The following ENOX1 variants were observed in gnomAD, a reference collection of about 807,000 sequenced individuals.
The protein encoded by ENOX1 is ecto-NOX disulfide-thiol exchanger 1, also known as candidate growth-related and time keeping constitutive hydroquinone (NADH) oxidase.
A neutral mutation model predicts 82.5 loss-of-function variants in ENOX1; 42 were observed. The ratio of observed to expected loss-of-function variants is 0.51; its 90% CI spans 0.40 to 0.66. The LOEUF (loss-of-function observed/expected upper bound fraction) is 0.66, where lower values mean the gene tolerates loss of function less well. Among genes scored for constraint, ENOX1 ranks in the 30% least tolerant of loss-of-function variants. The pLI, the probability that ENOX1 is intolerant of heterozygous loss-of-function variation, is 0.00. For missense variants in ENOX1, 608 were observed against 811.6 expected (o/e 0.75, Z 3.05); for synonymous variants, 271 against 282.2 (o/e 0.96, Z 0.40).
intron 11 of ENOX1, among the ~76,000 whole-genome samples, chr13:43,312,770 T>C (rs972140211): frequency 1.3e-5 from 2 of 152,068 alleles, no homozygotes; most frequent in African/African-American, 2.4e-5. Context: ...TTTTTAAGGG[T>C]GGCATTTCTG....
intron 8 of ENOX1, among the ~76,000 whole-genome samples, chr13:43,355,426 G>A (rs978584475): frequency 2.0e-5 from 3 of 152,198 alleles, no homozygotes; most frequent in South Asian, 4.2e-4. Context: ...TTCTATCCTC[G>A]ATGGACCCTA....
At chr13:43,595,124 GA>G (rs2081405656) in intron 2 of ENOX1, among the ~76,000 whole-genome samples, 1 of 149,294 alleles carries the variant, frequency 6.7e-6, no homozygotes, top group Non-Finnish European at 1.5e-5. Flanking sequence ...GTGCCTTAGG[GA>G]GGGAAAGCGG....
At chr13:43,696,926 G>T (rs1241123815) in intron 1 of ENOX1, among the ~76,000 whole-genome samples, 1 of 151,772 alleles carries the variant, frequency 6.6e-6, no homozygotes, top group Non-Finnish European at 1.5e-5. Context: ...GAAATGAGGA[G>T]TTGCATCTCA....
chr13:43,763,523 T>C (rs1371668874), intron 1 of ENOX1, among the ~76,000 whole-genome samples: 1 of 152,176 alleles, frequency 6.6e-6, no homozygotes, highest in Non-Finnish European at 1.5e-5. Context: ...AATGACATCA[T>C]GAAGTGGAGC....
chr13:43,253,159 C>T (rs779081124), intron 14 of ENOX1, among the ~76,000 whole-genome samples: 13 of 152,160 alleles, frequency 8.5e-5, no homozygotes, highest in South Asian at 6.2e-4. Context: ...CTAGAGTTGG[C>T]AGGAGAGCTG....
chr13:43,455,793 C>T (rs559716750), intron 3 of ENOX1, among the ~76,000 whole-genome samples: 6 of 151,988 alleles, frequency 3.9e-5, no homozygotes, highest in Admixed American at 6.6e-5. Context: ...TGAGATCTGA[C>T]GGTTTTATAA....
intron 16 of ENOX1, among the ~76,000 whole-genome samples, chr13:43,222,477 G>C (rs2041843176): frequency 1.3e-5 from 2 of 152,106 alleles, no homozygotes; most frequent in African/African-American, 4.8e-5. Context: ...GAAACAAAGT[G>C]TCCTGAAATT....
At chr13:43,247,521 G>A (rs1396807720) in intron 14 of ENOX1, among the ~76,000 whole-genome samples, 1 of 151,910 alleles carries the variant, frequency 6.6e-6, no homozygotes, top group Non-Finnish European at 1.5e-5. Flanking sequence ...AGGCTGTGAA[G>A]GGCGTGGACT....
intron 15 of ENOX1, among the ~76,000 whole-genome samples, chr13:43,235,902 T>C (rs1479012944): frequency 6.6e-6 from 1 of 152,172 alleles, no homozygotes; most frequent in Non-Finnish European, 1.5e-5. Flanking sequence ...AAGGTGCAGC[T>C]TGAATCAGTT....
intron 2 of ENOX1, among the ~76,000 whole-genome samples, chr13:43,594,707 T>C (rs1345591748): frequency 6.6e-6 from 1 of 152,206 alleles, no homozygotes; most frequent in African/African-American, 2.4e-5. Flanking sequence ...TAATGTCTCA[T>C]GGGCTCATAG....
At chr13:43,421,391 T>C (rs761215558) in intron 3 of ENOX1, among the ~76,000 whole-genome samples, 2 of 152,246 alleles carry the variant, frequency 1.3e-5, no homozygotes, top group African/African-American at 2.4e-5. Flanking sequence ...GAGAAAGCAC[T>C]GTGCATTCAG....
At chr13:43,422,175 A>T (rs2055017544) in intron 3 of ENOX1, among the ~76,000 whole-genome samples, 1 of 152,192 alleles carries the variant, frequency 6.6e-6, no homozygotes, top group Non-Finnish European at 1.5e-5. Flanking sequence ...GATGCACTTA[A>T]CAAGTCACCC....
intron 5 of ENOX1, among the ~76,000 whole-genome samples, chr13:43,390,577 C>T (rs2052713081): frequency 6.6e-6 from 1 of 152,108 alleles, no homozygotes; most frequent in South Asian, 2.1e-4. Flanking sequence ...ACTGAAAAAC[C>T]TTTACCCAAA....
At chr13:43,669,292 G>T (rs2085141418) in intron 1 of ENOX1, among the ~76,000 whole-genome samples, 1 of 152,164 alleles carries the variant, frequency 6.6e-6, no homozygotes, top group Admixed American at 6.5e-5. Flanking sequence ...CTCTCAGTGT[G>T]ACCAAAGTAT....
At chr13:43,388,081 A>G (rs2052541956) in intron 5 of ENOX1, among the ~76,000 whole-genome samples, 1 of 152,228 alleles carries the variant, frequency 6.6e-6, no homozygotes, top group South Asian at 2.1e-4. Flanking sequence ...TGAAAATAGC[A>G]GAGTTGGAAA....
At chr13:43,725,952 A>G (rs938289055) in intron 1 of ENOX1, among the ~76,000 whole-genome samples, 18 of 151,840 alleles carry the variant, frequency 1.2e-4, no homozygotes, top group Admixed American at 6.6e-5. Context: ...GGACAACAGA[A>G]TAAGACCCTG....
intron 15 of ENOX1, among the ~76,000 whole-genome samples, chr13:43,227,383 T>C (rs1005533841): frequency 2.6e-5 from 4 of 152,240 alleles, no homozygotes; most frequent in African/African-American, 9.6e-5. Context: ...ATAAGAGGTA[T>C]ATGTTGAACG....
chr13:43,610,027 A>G (rs1190502539), intron 2 of ENOX1: 2 of 289,310 alleles, frequency 6.9e-6, no homozygotes, highest in South Asian at 1.3e-4. Flanking sequence ...GCACCTTCTC[A>G]TAAGTATAAA....
At chr13:43,514,336 G>C (rs1423506968) in intron 2 of ENOX1, among the ~76,000 whole-genome samples, 1 of 152,150 alleles carries the variant, frequency 6.6e-6, no homozygotes, top group Non-Finnish European at 1.5e-5. Context: ...TTTCAGGAAA[G>C]AGTCATTTAA....
Sources: allele counts gnomAD v4.1 joint callset (sites outside exome capture counted in the v4.1 genomes callset), GRCh38; gene constraint gnomAD v4.1.1; transcripts MANE v1.5; gene names NCBI Gene and HGNC (gene_info 2026-07-23, HGNC 2026-07-21).